GPLD1: variants seen among roughly 807,000 people sequenced by gnomAD.
The protein encoded by GPLD1 is phosphatidylinositol-glycan-specific phospholipase D.
A neutral mutation model predicts 112.6 loss-of-function variants in GPLD1; 84 were observed. The observed-to-expected ratio is 0.75, with a 90% CI of 0.63 to 0.89. GPLD1 has a LOEUF of 0.89. Ranked by LOEUF, GPLD1 falls within the 40% of genes least tolerant of loss-of-function variation. GPLD1 has a pLI of 0.00. For synonymous variants in GPLD1, 386 were observed against 403.8 expected, an observed-to-expected ratio of 0.96 and a Z score of 0.53; for missense variants, 1,044 against 1,051.5, an observed-to-expected ratio of 0.99 and a Z score of 0.10.
intron 1 of GPLD1, among the ~76,000 whole-genome samples, chr6:24,488,443 G>T (rs1764455266): frequency 6.6e-6 from 1 of 151,378 alleles, no homozygotes; most frequent in South Asian, 2.1e-4. Context: ...CAGAACATCA[G>T]GTATATCTGA....
chr6:24,429,935 C>T (rs959819563), intron 24 of GPLD1, among the ~76,000 whole-genome samples: 9 of 152,232 alleles, frequency 5.9e-5, no homozygotes, highest in African/African-American at 1.9e-4. Flanking sequence ...TGAACCAAAG[C>T]TGGCACATGA....
downstream of GPLD1, chr6:24,425,236 A>G (rs1265267425): frequency 1.3e-5 from 2 of 152,256 alleles, no homozygotes; most frequent in Admixed American, 6.5e-5. Flanking sequence ...TGTAAAATAC[A>G]TAATAAGTAC....
At chr6:24,437,565 G>T (rs143331367) in intron 20 of GPLD1, among the ~76,000 whole-genome samples, 1 of 150,122 alleles carries the variant, frequency 6.7e-6, no homozygotes, top group Non-Finnish European at 1.5e-5. Flanking sequence ...TTATTTTCTC[G>T]TATCACAAAC....
intron 5 of GPLD1, among the ~76,000 whole-genome samples, chr6:24,474,251 T>C (rs1442858482): frequency 6.6e-6 from 1 of 151,652 alleles, no homozygotes; most frequent in Non-Finnish European, 1.5e-5. Context: ...GCAATAAAGC[T>C]ACTACAGACA....
chr6:24,460,434 C>T (rs756387467), intron 11 of GPLD1, 35 bp from the exon 12 acceptor site: 2 of 1,607,108 alleles, frequency 1.2e-6, no homozygotes, highest in Admixed American at 1.7e-5. Context: ...CTGGTTACGA[C>T]TGAGAAAACA....
chr6:24,451,771 C>A (rs115948930), intron 14 of GPLD1, among the ~76,000 whole-genome samples: 2,514 of 152,332 alleles, frequency 0.017, 32 homozygotes, highest in South Asian at 0.05. Flanking sequence ...TGTGCAGTGG[C>A]ATCTATAAGT....
At chr6:24,464,511 G>C (rs1763535063) in intron 10 of GPLD1, among the ~76,000 whole-genome samples, 1 of 152,156 alleles carries the variant, frequency 6.6e-6, no homozygotes. Flanking sequence ...AGTTTATTAT[G>C]TACCAAGCTA....
intron 12 of GPLD1, among the ~76,000 whole-genome samples, chr6:24,458,945 T>TAAA (rs1442769682): frequency 6.6e-6 from 1 of 152,042 alleles, no homozygotes. Flanking sequence ...ACTAGGCCCT[T>TAAA]CCGCAATTCT....
upstream of GPLD1, among the ~76,000 whole-genome samples, chr6:24,492,470 C>T: frequency 7.6e-6 from 1 of 130,786 alleles, no homozygotes; most frequent in Non-Finnish European, 1.5e-5. Context: ...CGTGCCATTG[C>T]ACTCCAGCCT....
Position 24,426,891 on chromosome 6 carries a change from T to C in GPLD1, c.*2141A>G, listed in dbSNP as rs1171858615. On this transcript the variant is annotated 3_prime_UTR_variant, in exon 25 of 25. Transcript: ENST00000230036. Reference sequence around the variant, plus strand: ...CATAGGTTACTATGCAGCTAGCACATGTACCTCTTCCAGAAAAATGAGGTC... The same window carrying C: ...CATAGGTTACTATGCAGCTAGCACACGTACCTCTTCCAGAAAAATGAGGTC... Among the ~76,000 whole-genome samples the C allele has an allele frequency of 6.6e-6, 1 of 152,216 alleles. No homozygotes were observed. The highest frequency in any genetic ancestry group is 1.5e-5 in the Non-Finnish European group (1 of 68,030).
At chr6:24,434,628 G>C (rs1762511143) in intron 22 of GPLD1, among the ~76,000 whole-genome samples, 1 of 151,718 alleles carries the variant, frequency 6.6e-6, no homozygotes, top group African/African-American at 2.4e-5. Flanking sequence ...ACGAGGTCAG[G>C]AGATCAAGAC....
intron 20 of GPLD1, among the ~76,000 whole-genome samples, chr6:24,437,607 G>A (rs151293825): frequency 3.3e-5 from 5 of 152,200 alleles, no homozygotes; most frequent in Non-Finnish European, 4.4e-5. Context: ...ACATCCAAAC[G>A]CAAGTGGACT....
intron 1 of GPLD1, 94 bp downstream of exon 1, chr6:24,489,319 CTG>C (rs1479656529): frequency 2.7e-5 from 25 of 912,450 alleles, no homozygotes; most frequent in Non-Finnish European, 4.2e-5. Context: ...CCAGGGGAAA[CTG>C]TATCAATCCA....
At chr6:24,461,304 A>T (rs1763426243) in intron 11 of GPLD1, among the ~76,000 whole-genome samples, 1 of 152,092 alleles carries the variant, frequency 6.6e-6, no homozygotes, top group African/African-American at 2.4e-5. Flanking sequence ...AACAACAACA[A>T]AGTATGTTGA....
intron 11 of GPLD1, among the ~76,000 whole-genome samples, chr6:24,460,821 C>T (rs1178315064): frequency 6.6e-6 from 1 of 150,476 alleles, no homozygotes; most frequent in African/African-American, 2.5e-5. Flanking sequence ...CTCATTGCAA[C>T]CTTCGCCTCC....
At chr6:24,447,594 C>G (rs928366594) in intron 17 of GPLD1, among the ~76,000 whole-genome samples, 1 of 152,170 alleles carries the variant, frequency 6.6e-6, no homozygotes, top group Non-Finnish European at 1.5e-5. Flanking sequence ...TGAGATGCCT[C>G]CGGTGCAAAG....
At chr6:24,481,743 G>A (rs564112892) in intron 2 of GPLD1, among the ~76,000 whole-genome samples, 4 of 152,258 alleles carry the variant, frequency 2.6e-5, no homozygotes, top group African/African-American at 7.2e-5. Context: ...CATTCCCCAC[G>A]TGGAGAGATA....
rs1390490470 is a variant in GPLD1 at position 24,454,161 on chromosome 6, C to T, written c.1189G>A (p.Asp397Asn). The change falls in exon 14 of 25, where the codon GAC (aspartate) becomes AAC (asparagine). Residue 397 changes from aspartate (D) to asparagine (N), a missense_variant. Coordinates refer to ENST00000230036, the MANE Select transcript of GPLD1 (RefSeq NM_001503.4). Reference sequence around the variant, plus strand: ...TAGCCTGGTGCGCCCACCACGAGGTCACCGTGCCCATCCTGGTTGAGGTCA... The same window carrying T: ...TAGCCTGGTGCGCCCACCACGAGGTTACCGTGCCCATCCTGGTTGAGGTCA... ...SADLNQDGHG[D>N]LVVGAPGYSR... The T allele has an allele frequency of 6.2e-7, 1 of 1,613,608 alleles. No homozygotes were observed. The highest frequency in any genetic ancestry group is 1.3e-5 in the African/African-American group (1 of 74,922).
At chr6:24,435,870 T>C (rs1397683865) in intron 22 of GPLD1, 1 of 136,886 alleles carries the variant, frequency 7.3e-6, no homozygotes, top group African/African-American at 2.7e-5. Context: ...CCAAATGCTT[T>C]AGGCCCAGGA....
Sources: gnomAD v4.1 joint callset for allele counts (sites outside exome capture counted in the v4.1 genomes callset) on GRCh38, gnomAD v4.1.1 for gene constraint, MANE v1.5 for transcripts, NCBI Gene and HGNC (gene_info 2026-07-23, HGNC 2026-07-21) for gene names.